Variants in MTBP observed in about 807,000 individuals in gnomAD.
MTBP encodes MDM2 binding protein.
A neutral mutation model predicts 117.0 loss-of-function variants in MTBP; 101 were observed. That is an observed-to-expected ratio of 0.86 (90% CI 0.73 to 1.02). The LOEUF is 1.02. MTBP is among the 50% of genes least tolerant of loss of function. MTBP has a pLI of 0.00. For missense variants in MTBP, 970 were observed against 1,030.9 expected (o/e 0.94, Z 0.81); for synonymous variants, 350 against 351.5 (o/e 1.00, Z 0.05).
intron 8 of MTBP, among the ~76,000 whole-genome samples, chr8:120,459,938 A>G (rs1268112533): frequency 6.6e-6 from 1 of 152,196 alleles, no homozygotes; most frequent in African/African-American, 2.4e-5. Flanking sequence ...AAATATAATA[A>G]CTAGGAAAAG....
At chr8:120,483,111 A>C (rs957987703) in intron 11 of MTBP, among the ~76,000 whole-genome samples, 1 of 152,108 alleles carries the variant, frequency 6.6e-6, no homozygotes, top group Non-Finnish European at 1.5e-5. Context: ...AATTGTTCAA[A>C]GCTTAGTCTG....
At chr8:120,518,177 TA>T in intron 19 of MTBP, 77 bp downstream of exon 19, 4 of 1,430,252 alleles carry the variant, frequency 2.8e-6, no homozygotes, top group South Asian at 2.8e-5. Flanking sequence ...AATATATGTC[TA>T]AAAAATTTTA....
At chr8:120,452,626 CAAGACCAGCCTGGCTA>C (rs1813379749) in intron 4 of MTBP, 1 of 151,898 alleles carries the variant, frequency 6.6e-6, no homozygotes, top group African/African-American at 2.4e-5. Flanking sequence ...GTCAGGAGTT[CAAGACCAGCCTGGCTA>C]ACATGGTGAA....
intron 2 of MTBP, among the ~76,000 whole-genome samples, chr8:120,449,006 G>A (rs564199238): frequency 2.6e-5 from 4 of 152,242 alleles, no homozygotes; most frequent in African/African-American, 4.8e-5. Flanking sequence ...CTTTAATTAA[G>A]GAGGAGACAT....
At chr8:120,491,155 A>C (rs1037842196) in intron 13 of MTBP, among the ~76,000 whole-genome samples, 1 of 152,074 alleles carries the variant, frequency 6.6e-6, no homozygotes, top group Non-Finnish European at 1.5e-5. Context: ...TTAAGCATTC[A>C]TTTGTTGCCT....
intron 10 of MTBP, 91 bp downstream of exon 10, chr8:120,463,852 C>G (rs2130534603): frequency 1.6e-6 from 2 of 1,213,254 alleles, no homozygotes; most frequent in East Asian, 4.7e-5. Flanking sequence ...ACTTATTAAT[C>G]TGTTTGCTTG....
chr8:120,522,636 G>T lies in MTBP; in HGVS notation c.2611-18G>T. ...TTTAATGTGCAGATTGTAAAATGCTGTATTTTATTATGTTTAGGATCTTAA... is the reference window on the plus strand; with the variant it reads ...TTTAATGTGCAGATTGTAAAATGCTTTATTTTATTATGTTTAGGATCTTAA... On this transcript the variant is annotated intron_variant, in intron 20 of 21. Transcript: ENST00000305949. 1 of 1,504,168 alleles carries T rather than the reference G, an allele frequency of 6.6e-7. No homozygotes were observed. Among genetic ancestry groups the T allele is most frequent in the Non-Finnish European group, 9.1e-7 (1 of 1,094,074 alleles). 93.2% of individuals were successfully genotyped at this position (1,504,168 alleles called of 1,614,324 possible).
At position 120,445,521 on chromosome 8, in the gene MTBP, G is replaced by A; in HGVS notation, c.51G>A (p.Ser17=). 6.2e-7 allele frequency: 1 copy of A among 1,613,650 alleles called. No individual in the cohort carries two copies. The highest frequency in any genetic ancestry group is 8.5e-7 in the Non-Finnish European group (1 of 1,179,812). The change falls in exon 1 of 22, where the codon TCG becomes TCA. Residue 17 remains serine, a synonymous_variant. Transcript: ENST00000305949. Reference sequence around the variant, plus strand: ...TCTGGGGGGAAGGAAAATTCCCGTCGGCGGCCAGTAGGGAGGCAGAACATG... The same window carrying A: ...TCTGGGGGGAAGGAAAATTCCCGTCAGCGGCCAGTAGGGAGGCAGAACATG... ...LVIWGEGKFP[S]AASREAEHGP... is the part of the protein sequence containing the mutation.
intron 18 of MTBP, 27 bp downstream of exon 18, chr8:120,516,218 T>C (rs1814916624): frequency 6.6e-7 from 1 of 1,521,986 alleles, no homozygotes. Context: ...ACATAAATAG[T>C]ATATTGACAG....
At chr8:120,522,792 T>C in intron 21 of MTBP, 73 bp downstream of exon 21, 1 of 1,148,054 alleles carries the variant, frequency 8.7e-7, no homozygotes, top group Non-Finnish European at 1.3e-6. Flanking sequence ...CTGATGCCAT[T>C]ATATATGCAG....
chr8:120,515,862 G>T (rs1025974597), intron 17 of MTBP, 63 bp from the exon 18 acceptor site: 91 of 1,433,566 alleles, frequency 6.3e-5, no homozygotes, highest in Non-Finnish European at 7.3e-5. Flanking sequence ...TTTTCTCATT[G>T]AAAGGGGAAA....
At chr8:120,521,488 A>G (rs750780477) in intron 20 of MTBP, among the ~76,000 whole-genome samples, 3 of 152,048 alleles carry the variant, frequency 2.0e-5, no homozygotes, top group Non-Finnish European at 4.4e-5. Context: ...TCTCCCTAAC[A>G]TCAGTTCTCC....
At chr8:120,506,638 T>A in intron 15 of MTBP, 68 bp from the exon 16 acceptor site, 1 of 1,255,630 alleles carries the variant, frequency 8.0e-7, no homozygotes, top group East Asian at 2.7e-5. Flanking sequence ...CTTTTTTTTT[T>A]TTTTGACTCT....
At chr8:120,514,876 A>G (rs993794239) in intron 17 of MTBP, among the ~76,000 whole-genome samples, 1 of 152,058 alleles carries the variant, frequency 6.6e-6, no homozygotes, top group Non-Finnish European at 1.5e-5. Flanking sequence ...CAACAGAATC[A>G]TAGATAAAAT....
intron 12 of MTBP, 119 bp downstream of exon 12, chr8:120,488,451 A>G (rs1814266257): frequency 1.5e-5 from 10 of 678,744 alleles, no homozygotes; most frequent in Non-Finnish European, 2.1e-5. Flanking sequence ...GCCAAACTCC[A>G]TTCTCTTTCA....
chr8:120,518,878 A>AT lies in MTBP; in HGVS notation c.2610+62dup. 4 of 1,206,108 alleles carry AT rather than the reference A, an allele frequency of 3.3e-6. No homozygotes were observed. The East Asian group carries it at 7.2e-5, about 22-fold the overall frequency. 74.7% of individuals were successfully genotyped at this position (1,206,108 alleles called of 1,614,324 possible). A position where few individuals can be genotyped will look rare whatever the true frequency, so the allele number is the denominator to read the frequency against. On this transcript the variant is annotated intron_variant, in intron 20 of 21. Transcript: ENST00000305949. ...TCATGTTCTAATGTTCCTGTTTGAC[A>AT]TAAAAAAAAGTTTGAGTATTTTTTA... is the stretch of plus-strand genomic sequence containing the variant.
intron 11 of MTBP, among the ~76,000 whole-genome samples, chr8:120,474,130 C>T (rs1322883238): frequency 6.6e-6 from 1 of 151,832 alleles, no homozygotes; most frequent in African/African-American, 2.4e-5. Context: ...ATTATCTCCT[C>T]TTGAAATCTG....
At chr8:120,445,669 A>C in intron 1 of MTBP, 81 bp downstream of exon 1, 1 of 1,146,314 alleles carries the variant, frequency 8.7e-7, no homozygotes, top group Non-Finnish European at 1.3e-6. Context: ...GTTCTGCTGA[A>C]GAGGGATCAA....
chr8:120,463,899 T>A (rs901055744), intron 10 of MTBP, 138 bp downstream of exon 10: 39 of 712,890 alleles, frequency 5.5e-5, no homozygotes, highest in East Asian at 1.8e-4. Context: ...AGGATAATTT[T>A]GGTCCTAACT....
Sources: allele counts gnomAD v4.1 joint callset (sites outside exome capture counted in the v4.1 genomes callset), GRCh38; gene constraint gnomAD v4.1.1; transcripts MANE v1.5; gene names NCBI Gene and HGNC (gene_info 2026-07-23, HGNC 2026-07-21).